The following COPA variants were observed in gnomAD, a reference collection of about 807,000 sequenced individuals.
COPA encodes coatomer subunit alpha.
In COPA, 10 loss-of-function variants were observed where a neutral mutation model predicts 158.7. The observed-to-expected ratio is 0.06, with a 90% CI of 0.04 to 0.11. The LOEUF (loss-of-function observed/expected upper bound fraction) is 0.11, where lower values mean the gene tolerates loss of function less well. Ranked by LOEUF, COPA falls within the 10% of genes least tolerant of loss-of-function variation. COPA has a pLI of 1.00. For missense variants in COPA, 1,065 were observed against 1,536.7 expected (o/e 0.69, Z 5.13); for synonymous variants, 462 against 542.8 (o/e 0.85, Z 2.07).
At chr1:160,291,285 T>C (rs1358883571) in intron 31 of COPA, 50 bp downstream of exon 31, 6 of 1,603,428 alleles carry the variant, frequency 3.7e-6, no homozygotes, top group South Asian at 1.1e-5. Context: ...GCTCCCTCCA[T>C]GTAAGAGCTG....
chr1:160,306,440 G>A lies in COPA; in HGVS notation c.1356C>T (p.Asn452=). ...NEITKKVQVP[N]CDEIFYAGTG... is the part of the protein sequence containing the mutation. ...TGCCAGCATAGAAGATCTCATCACA[G>A]TTGGGCACCTGTACCTTTTTGGTGA... The change falls in exon 15 of 33, where the codon AAC becomes AAT. Residue 452 remains asparagine (N), a synonymous_variant. Coordinates refer to ENST00000241704, the MANE Select transcript of COPA (RefSeq NM_004371.4). 5 of 1,614,184 alleles carry A rather than the reference G, an allele frequency of 3.1e-6. No individual in the cohort carries two copies. The highest frequency in any genetic ancestry group is 4.2e-6 in the Non-Finnish European group (5 of 1,180,030).
rs1331770477 is a variant in COPA at position 160,298,985 on chromosome 1, G to A, written c.1837C>T (p.His613Tyr). The change falls in exon 19 of 33, where the codon CAC becomes TAC. Residue 613 changes from histidine (H) to tyrosine (Y), a missense_variant. Physicochemically the swap from His to Tyr is moderately conservative, Grantham distance 83. Around this residue, in one of 2 missense-constraint regions of COPA, gnomAD observed 980 missense variants for 1,357.8 expected, o/e 0.72. Transcript: ENST00000241704. Reference protein sequence around the residue: ...LINRKYDEVLHMVRNAKLVGQ... With the variant: ...LINRKYDEVLYMVRNAKLVGQ... Reference sequence around the variant, plus strand: ...ACTAGTTTGGCATTCCTCACCATGTGCAGTACCTAGACATTTGGGGTGGAG... The same window carrying A: ...ACTAGTTTGGCATTCCTCACCATGTACAGTACCTAGACATTTGGGGTGGAG... The A allele has an allele frequency of 6.2e-7, 1 of 1,614,038 alleles. No individual in the cohort carries two copies.
chr1:160,317,555 G>A, intron 8 of COPA: 1 of 1,605,682 alleles, frequency 6.2e-7, no homozygotes, highest in South Asian at 1.1e-5. Flanking sequence ...GAATCATACT[G>A]TCAAAGACAG....
chr1:160,320,549 C>A (rs1344892836), intron 8 of COPA, among the ~76,000 whole-genome samples: 1 of 125,132 alleles, frequency 8.0e-6, no homozygotes. Flanking sequence ...GTGGAGGCTG[C>A]AGTGAGCTAA....
chr1:160,332,603 A>G lies in COPA; in HGVS notation c.387-46T>C, dbSNP rs548380007. The G allele has an allele frequency of 4.5e-6, 6 of 1,342,480 alleles. No individual in the cohort carries two copies. The African/African-American group carries it at 8.8e-5, about 20-fold the overall frequency. The allele number at this position is 1,342,480 out of a possible 1,614,324, so 83.2% of individuals were successfully genotyped here. A position where few individuals can be genotyped will look rare whatever the true frequency, so the allele number is the denominator to read the frequency against. ...AATACCAAATTAGAGGTGGAAGTCA[A>G]CAGACTCCTAAACTAAATACCTTTC... On this transcript the variant is annotated intron_variant, in intron 5 of 32. Transcript: ENST00000241704.
At chr1:160,325,761 G>C in intron 6 of COPA, 109 bp from the exon 7 acceptor site, 1 of 784,472 alleles carries the variant, frequency 1.3e-6, no homozygotes, top group East Asian at 2.5e-5. Flanking sequence ...AAAAGAAATG[G>C]AAAAGACTGA....
intron 4 of COPA, among the ~76,000 whole-genome samples, chr1:160,335,016 G>T (rs1178431800): frequency 6.6e-6 from 1 of 152,024 alleles, no homozygotes; most frequent in Non-Finnish European, 1.5e-5. Context: ...GAGAAACAAT[G>T]ACTTCCCATA....
intron 17 of COPA, among the ~76,000 whole-genome samples, chr1:160,302,854 C>T (rs757827431): frequency 4.0e-5 from 6 of 151,886 alleles, no homozygotes; most frequent in Non-Finnish European, 7.4e-5. Context: ...GTGCTGGGCC[C>T]GGAATTTCAC....
chr1:160,309,811 C>T (rs1396117018), intron 12 of COPA, among the ~76,000 whole-genome samples: 3 of 150,356 alleles, frequency 2.0e-5, no homozygotes, highest in Non-Finnish European at 4.4e-5. Context: ...CTGAAGCCAA[C>T]CCCACTGATA....
chr1:160,292,310 C>A, intron 28 of COPA, 112 bp from the exon 29 acceptor site: 1 of 1,550,780 alleles, frequency 6.4e-7, no homozygotes, highest in South Asian at 1.2e-5. Context: ...GTTAAAGTAG[C>A]TGGGGAAGAG....
chr1:160,291,551 C>A, intron 30 of COPA, 55 bp from the exon 31 acceptor site: 1 of 1,578,190 alleles, frequency 6.3e-7, no homozygotes, highest in Non-Finnish European at 8.6e-7. Context: ...TGGTAGAAGT[C>A]ATTTCTAAGC....
chr1:160,311,399 C>G (rs918142429), intron 11 of COPA, among the ~76,000 whole-genome samples: 3 of 151,036 alleles, frequency 2.0e-5, no homozygotes, highest in Admixed American at 6.6e-5. Flanking sequence ...GGTTGCATCA[C>G]TGCGCTCCAG....
chr1:160,322,191 C>T (rs1659350553), intron 8 of COPA, among the ~76,000 whole-genome samples: 1 of 152,198 alleles, frequency 6.6e-6, no homozygotes, highest in Non-Finnish European at 1.5e-5. Context: ...GGAGGCATCA[C>T]ACTACCTGAC....
intron 1 of COPA, among the ~76,000 whole-genome samples, chr1:160,340,963 C>T (rs566549961): frequency 3.3e-5 from 5 of 152,226 alleles, no homozygotes; most frequent in Non-Finnish European, 7.3e-5. Context: ...CCCCTCTTCA[C>T]TGAAGCCTAA....
chr1:160,292,038 C>A lies in COPA; in HGVS notation c.3121G>T (p.Val1041Leu), dbSNP rs1261081916. 1 of 1,614,206 alleles carries A rather than the reference C, an allele frequency of 6.2e-7. No individual in the cohort carries two copies. Residue 1041 changes from valine to leucine, a missense_variant, in exon 29 of 33, where the codon GTG (valine) becomes TTG (leucine). Coordinates refer to ENST00000241704, the MANE Select transcript of COPA (RefSeq NM_004371.4). ...SILLSVPLLV[V>L]DNKQEIAEAQ... ...TCTGCAATCTCTTGTTTATTGTCCA[C>A]AACAAGAAGTGGCACACTGAGAAGG...
intron 1 of COPA, among the ~76,000 whole-genome samples, chr1:160,341,708 C>CT (rs912937672): frequency 5.3e-5 from 8 of 151,636 alleles, no homozygotes; most frequent in Non-Finnish European, 1.0e-4. Flanking sequence ...AGTAACTTAA[C>CT]TTTTTTTTTC....
rs774782403 is a variant in COPA, at chr1:160,305,685, C to G, written c.1528+3G>C. Reference sequence around the variant, plus strand: ...AATCAGGGTGGATATAATGAAGACTCACCGTGTTTGGCTAGTAGTGCTACA... The same window carrying G: ...AATCAGGGTGGATATAATGAAGACTGACCGTGTTTGGCTAGTAGTGCTACA... On this transcript the variant is annotated splice_donor_region_variant and intron_variant, in intron 16 of 32. Transcript: ENST00000241704. The G allele has an allele frequency of 6.2e-7, 1 of 1,614,124 alleles. No homozygotes were observed. The highest frequency in any genetic ancestry group is 8.5e-7 in the Non-Finnish European group (1 of 1,180,004).
At chr1:160,340,123 T>C (rs1195218420) in intron 2 of COPA, 58 bp downstream of exon 2, 1 of 1,490,948 alleles carries the variant, frequency 6.7e-7, no homozygotes, top group East Asian at 2.3e-5. Flanking sequence ...AGGCTTAAAA[T>C]ACCCCAGGAT....
At chr1:160,298,796 C>G (rs768055580) in intron 19 of COPA, 49 bp downstream of exon 19, 1 of 1,603,686 alleles carries the variant, frequency 6.2e-7, no homozygotes, top group South Asian at 1.1e-5. Context: ...GGCACTCTAA[C>G]TCTCTCACCT....
Sources: gnomAD v4.1 joint callset for allele counts (sites outside exome capture counted in the v4.1 genomes callset) on GRCh38, gnomAD v4.1.1 for gene constraint, gnomAD v4.1.1 regional missense constraint, MANE v1.5 for transcripts, NCBI Gene and HGNC (gene_info 2026-07-23, HGNC 2026-07-21) for gene names.